CCDC28A: variants seen among roughly 807,000 people sequenced by gnomAD.
CCDC28A encodes coiled-coil domain-containing protein 28A.
Under a neutral mutation model 22.1 loss-of-function variants are expected in CCDC28A, and 24 were observed. The observed-to-expected ratio is 1.09, with a 90% CI of 0.79 to 1.53. The LOEUF (loss-of-function observed/expected upper bound fraction) is 1.53. CCDC28A is among the 40% of genes most tolerant of loss of function. The pLI, the probability that CCDC28A is intolerant of heterozygous loss-of-function variation, is 0.00. For synonymous variants in CCDC28A, 83 were observed against 74.7 expected (o/e 1.11, Z -0.57); for missense variants, 170 against 210.7 (o/e 0.81, Z 1.20).
chr6:138,776,402 C>A, intron 2 of CCDC28A, 124 bp downstream of exon 2: 1 of 710,196 alleles, frequency 1.4e-6, no homozygotes, highest in Non-Finnish European at 2.4e-6. Context: ...ACCCATTATG[C>A]GTGATTTAGA....
At chr6:138,785,072 A>T (rs1162315260) in intron 3 of CCDC28A, among the ~76,000 whole-genome samples, 155 bp from the exon 4 acceptor site, 1 of 152,190 alleles carries the variant, frequency 6.6e-6, no homozygotes, top group African/African-American at 2.4e-5. Context: ...CAGAAATTTG[A>T]TTTGTTATTA....
intron 2 of CCDC28A, among the ~76,000 whole-genome samples, chr6:138,777,837 T>C (rs531409089): frequency 6.6e-6 from 1 of 152,312 alleles, no homozygotes; most frequent in South Asian, 2.1e-4. Context: ...AAAAATACAT[T>C]TGTCATGCTG....
intron 5 of CCDC28A, 92 bp from the exon 6 acceptor site, chr6:138,792,657 T>C: frequency 1.3e-6 from 1 of 798,934 alleles, no homozygotes; most frequent in Non-Finnish European, 2.1e-6. Flanking sequence ...CTTTTTTAAA[T>C]ACCGCTTTCT....
At chr6:138,788,309 A>T (rs1775122529) in intron 4 of CCDC28A, 57 bp from the exon 5 acceptor site, 1 of 600,590 alleles carries the variant, frequency 1.7e-6, no homozygotes, top group African/African-American at 2.0e-5. Flanking sequence ...AATAGTTAAC[A>T]ACTATTTATA....
intron 3 of CCDC28A, among the ~76,000 whole-genome samples, chr6:138,782,615 C>T (rs1775037038): frequency 6.6e-6 from 1 of 152,170 alleles, no homozygotes; most frequent in Non-Finnish European, 1.5e-5. Flanking sequence ...TAAACACAAA[C>T]ATACATACAT....
chr6:138,773,824 T>G lies in CCDC28A; in HGVS notation c.-121T>G, dbSNP rs766978132. The G allele has an allele frequency of 3.7e-6, 6 of 1,614,010 alleles. No homozygotes were observed. Among genetic ancestry groups the G allele is most frequent in the Admixed American group, 1.7e-5 (1 of 60,002 alleles). ...CCCGGGATGTGACCGGGGCTCTGCT[T>G]GTGGCTGCGGCGGTGGCTTCTGAGG... On this transcript the variant is annotated 5_prime_UTR_variant, in exon 1 of 6. Coordinates refer to ENST00000617445, the MANE Select transcript of CCDC28A (RefSeq NM_015439.3).
chr6:138,792,623 A>G, intron 5 of CCDC28A, 126 bp from the exon 6 acceptor site: 1 of 681,778 alleles, frequency 1.5e-6, no homozygotes, highest in East Asian at 2.8e-5. Flanking sequence ...TAGCAACACA[A>G]GAGCTTTTCC....
At chr6:138,792,628 T>G (rs2128363754) in intron 5 of CCDC28A, 121 bp from the exon 6 acceptor site, 1 of 694,208 alleles carries the variant, frequency 1.4e-6, no homozygotes, top group African/African-American at 1.8e-5. Context: ...ACACAAGAGC[T>G]TTTCCTTTGA....
chr6:138,780,284 A>G (rs1262722728), intron 3 of CCDC28A, among the ~76,000 whole-genome samples: 2 of 152,200 alleles, frequency 1.3e-5, no homozygotes, highest in Non-Finnish European at 2.9e-5. Flanking sequence ...CAGTTAAAAT[A>G]TTTTAGACTT....
At chr6:138,774,288 A>C (rs1774891610) in intron 1 of CCDC28A, among the ~76,000 whole-genome samples, 1 of 151,568 alleles carries the variant, frequency 6.6e-6, no homozygotes, top group Non-Finnish European at 1.5e-5. Context: ...TACTTCCTAG[A>C]TTTTTTTTTC....
intron 3 of CCDC28A, among the ~76,000 whole-genome samples, chr6:138,782,444 A>C (rs1416469311): frequency 6.6e-6 from 1 of 152,080 alleles, no homozygotes; most frequent in Non-Finnish European, 1.5e-5. Flanking sequence ...CATCTCACGT[A>C]ACATATTTTC....
chr6:138,779,543 T>TA (rs1346479065), intron 2 of CCDC28A, among the ~76,000 whole-genome samples: 2 of 152,212 alleles, frequency 1.3e-5, no homozygotes, highest in Non-Finnish European at 2.9e-5. Flanking sequence ...AATACAGACT[T>TA]ACAAGTTTTC....
chr6:138,783,859 C>T (rs1235551770), intron 3 of CCDC28A, among the ~76,000 whole-genome samples: 1 of 150,318 alleles, frequency 6.7e-6, no homozygotes, highest in African/African-American at 2.5e-5. Context: ...CGTGAGCCAC[C>T]ATGCCCAGCC....
Position 138,788,374 on chromosome 6 carries a change from A to G in CCDC28A, c.486A>G (p.Glu162=), listed in dbSNP as rs1775123426. The part of the protein sequence containing the change: ...NLDRLLSDLE[E]LNSSIQKLHL... ...GTTTCTTTGTTTTACAGTTAGAAGA[A>G]TTGAATTCTTCCATGTATCCTTTGT... The change falls in exon 5 of 6, where the codon GAA becomes GAG. Residue 162 remains glutamate, a synonymous_variant. Coordinates refer to ENST00000617445, the MANE Select transcript of CCDC28A (RefSeq NM_015439.3). The G allele has an allele frequency of 8.0e-7, 1 of 1,254,714 alleles. No individual in the cohort carries two copies. The highest frequency in any genetic ancestry group is 1.6e-5 in the African/African-American group (1 of 63,654). The allele number at this position is 1,254,714 out of a possible 1,614,324, so 77.7% of individuals were successfully genotyped here. A position where few individuals can be genotyped will look rare whatever the true frequency, so the allele number is the denominator to read the frequency against.
chr6:138,786,109 C>T (rs905023351), intron 4 of CCDC28A, among the ~76,000 whole-genome samples: 1 of 152,202 alleles, frequency 6.6e-6, no homozygotes, highest in African/African-American at 2.4e-5. Flanking sequence ...TTGCTTTTTT[C>T]TGAGGCCTCT....
chr6:138,783,435 ATTTTT>A (rs564949933), intron 3 of CCDC28A, among the ~76,000 whole-genome samples: 1 of 119,112 alleles, frequency 8.4e-6, no homozygotes. Context: ...CACCCAGCTA[ATTTTT>A]TTTTTTTTTT....
intron 4 of CCDC28A, among the ~76,000 whole-genome samples, chr6:138,786,326 C>G (rs920439623): frequency 5.3e-5 from 8 of 152,204 alleles, no homozygotes; most frequent in African/African-American, 1.9e-4. Context: ...GGAGGGTACA[C>G]TGTTTAGCAC....
chr6:138,782,330 A>G (rs1473291558), intron 3 of CCDC28A, among the ~76,000 whole-genome samples: 1 of 152,160 alleles, frequency 6.6e-6, no homozygotes, highest in Non-Finnish European at 1.5e-5. Flanking sequence ...TTTTTCTTTT[A>G]TCTTTAAAGG....
At chr6:138,775,853 G>T (rs1318760340) in intron 1 of CCDC28A, among the ~76,000 whole-genome samples, 1 of 151,852 alleles carries the variant, frequency 6.6e-6, no homozygotes, top group East Asian at 1.9e-4. Context: ...AAGAAATAAA[G>T]AAAATGGTAA....
Sources: allele counts gnomAD v4.1 joint callset (sites outside exome capture counted in the v4.1 genomes callset), GRCh38; gene constraint gnomAD v4.1.1; transcripts MANE v1.5; gene names NCBI Gene and HGNC (gene_info 2026-07-23, HGNC 2026-07-21).